Variants in STON2 observed in about 807,000 individuals in gnomAD.
The protein encoded by STON2 is stonin-2.
A neutral mutation model predicts 65.7 loss-of-function variants in STON2; 29 were observed. That is an observed-to-expected ratio of 0.44 (90% CI 0.33 to 0.60). The LOEUF (loss-of-function observed/expected upper bound fraction) is 0.60, where lower values mean the gene tolerates loss of function less well. STON2 is among the 20% of genes least tolerant of loss of function. The probability of loss-of-function intolerance (pLI) is 0.03; values close to 1 mark genes in which losing one functional copy is unlikely to be tolerated. For synonymous variants in STON2, 404 were observed against 414.2 expected, an observed-to-expected ratio of 0.98 and a Z score of 0.30; for missense variants, 1,054 against 1,118.1, an observed-to-expected ratio of 0.94 and a Z score of 0.82.
At chr14:81,331,574 C>G (rs980245996) in intron 4 of STON2, among the ~76,000 whole-genome samples, 5 of 152,216 alleles carry the variant, frequency 3.3e-5, no homozygotes, top group Admixed American at 2.0e-4. Context: ...CCCATACCCT[C>G]ATCCACTGCC....
chr14:81,396,302 A>G (rs570922089), intron 2 of STON2, 124 bp from the exon 3 acceptor site: 65 of 824,650 alleles, frequency 7.9e-5, no homozygotes, highest in Middle Eastern at 3.7e-4. Context: ...GTGAGTGGGG[A>G]GAAGAAAGAG....
intron 1 of STON2, among the ~76,000 whole-genome samples, chr14:81,432,581 T>C (rs1902266127): frequency 1.3e-5 from 2 of 152,110 alleles, no homozygotes; most frequent in African/African-American, 4.8e-5. Flanking sequence ...TGGATCAGGA[T>C]TGGAATATGT....
intron 5 of STON2, among the ~76,000 whole-genome samples, chr14:81,302,682 T>C (rs1896012544): frequency 6.6e-6 from 1 of 152,226 alleles, no homozygotes; most frequent in African/African-American, 2.4e-5. Flanking sequence ...GAGAGGACAC[T>C]GCAAATGTCT....
At chr14:81,393,989 GA>G (rs1410846136) in intron 3 of STON2, among the ~76,000 whole-genome samples, 14 of 152,114 alleles carry the variant, frequency 9.2e-5, no homozygotes, top group African/African-American at 3.4e-4. Context: ...CAAGGAGTTC[GA>G]AACCAGCCTG....
Position 81,334,350 on chromosome 14 carries a change from A to G in STON2, c.572-10163T>C, listed in dbSNP as rs1306342781. Among the ~76,000 whole-genome samples the G allele has an allele frequency of 2.6e-5, 4 of 152,216 alleles. No individual in the cohort carries two copies. The East Asian group carries it at 7.7e-4, about 29-fold the overall frequency. ...TTCATTTACTTAAGTATTAAGATACAATTCACGTTCCATCACATACAATGG... is the reference window on the plus strand; with the variant it reads ...TTCATTTACTTAAGTATTAAGATACGATTCACGTTCCATCACATACAATGG... On this transcript the variant is annotated intron_variant, in intron 4 of 7. Transcript: ENST00000614646.
At chr14:81,434,673 A>G (rs187503603) in intron 1 of STON2, among the ~76,000 whole-genome samples, 66 of 152,230 alleles carry the variant, frequency 4.3e-4, no homozygotes, top group Admixed American at 5.9e-4. Context: ...AAGCTTTGAG[A>G]AGGTTTTTTG....
At position 81,325,495 on chromosome 14, in the gene STON2, T is replaced by C. The variant is rs1490713857; in HGVS notation, c.572-1308A>G. ...TCATTATAAAAAACTTCAAACAGTA[T>C]ATAAGGGCATAAAATAAAAAGTAAA... On this transcript the variant is annotated intron_variant, in intron 4 of 7. Transcript: ENST00000614646. Among the ~76,000 whole-genome samples, 4 of 152,248 alleles carry C rather than the reference T, an allele frequency of 2.6e-5. No homozygotes were observed. In the East Asian group the frequency reaches 5.8e-4, roughly 22 times the overall value.
intron 4 of STON2, among the ~76,000 whole-genome samples, chr14:81,344,256 T>G (rs1013863874): frequency 6.6e-6 from 1 of 152,218 alleles, no homozygotes; most frequent in African/African-American, 2.4e-5. Context: ...CGTATACTTA[T>G]TATAAATAAC....
chr14:81,402,584 G>T (rs569779270), upstream of STON2, among the ~76,000 whole-genome samples: 154 of 152,266 alleles, frequency 1.0e-3, no homozygotes, highest in African/African-American at 3.5e-3. Context: ...CACTCAGGAA[G>T]GGGGAGCAGG....
intron 6 of STON2, among the ~76,000 whole-genome samples, chr14:81,275,387 T>A (rs1203788139): frequency 6.6e-6 from 1 of 152,114 alleles, no homozygotes; most frequent in African/African-American, 2.4e-5. Flanking sequence ...ACCTTAATTT[T>A]CTCATCTATA....
chr14:81,373,439 A>G (rs1456972529), intron 3 of STON2, among the ~76,000 whole-genome samples: 1 of 152,218 alleles, frequency 6.6e-6, no homozygotes, highest in African/African-American at 2.4e-5. Flanking sequence ...CATTTCCTAT[A>G]GTATGGTGGT....
At chr14:81,320,661 C>G (rs1267641194) in intron 5 of STON2, among the ~76,000 whole-genome samples, 1 of 151,758 alleles carries the variant, frequency 6.6e-6, no homozygotes, top group Admixed American at 6.6e-5. Flanking sequence ...CGAAAGCAAT[C>G]TATTTACTCT....
At chr14:81,328,169 C>T (rs974790589) in intron 4 of STON2, among the ~76,000 whole-genome samples, 5 of 152,176 alleles carry the variant, frequency 3.3e-5, no homozygotes, top group Non-Finnish European at 7.3e-5. Flanking sequence ...ACCGCAGCTG[C>T]TCAATCAATA....
At chr14:81,392,084 A>G (rs944617994) in intron 3 of STON2, among the ~76,000 whole-genome samples, 4 of 152,228 alleles carry the variant, frequency 2.6e-5, no homozygotes, top group African/African-American at 9.6e-5. Context: ...CAAAAAACTC[A>G]GTAATCAAAG....
intron 3 of STON2, among the ~76,000 whole-genome samples, chr14:81,374,411 TAATA>T (rs1406888331): frequency 6.6e-6 from 1 of 151,858 alleles, no homozygotes; most frequent in Non-Finnish European, 1.5e-5. Flanking sequence ...AAATAATAAA[TAATA>T]AATAAATAAA....
In STON2 at chr14:81,278,726, C is replaced by A. The variant is rs200186191; in HGVS notation, c.756G>T (p.Ser252=). ...GASAPNDNSS[S]LQEDEEVEME... The stretch of plus-strand genomic sequence containing the variant: ...TCTCTACTTCTTCATCTTCTTGAAG[C>A]GAGGAGGAATTGTCTAAAAGGAAAA... The change falls in exon 6 of 8, where the codon TCG becomes TCT. Residue 252 remains serine (S), a synonymous_variant. Transcript: ENST00000614646. 14 of 1,514,656 alleles carry A rather than the reference C, an allele frequency of 9.2e-6. No individual in the cohort carries two copies. The African/African-American group carries it at 1.8e-4, about 20-fold the overall frequency. The allele number at this position is 1,514,656 out of a possible 1,614,324, so 93.8% of individuals were successfully genotyped here.
chr14:81,308,836 GTA>G (rs60718938), intron 5 of STON2, among the ~76,000 whole-genome samples: 124 of 8,126 alleles, frequency 0.015, 1 homozygote, highest in East Asian at 0.056. Context: ...GTGTGTGTGT[GTA>G]TATATATATA....
In STON2 at chr14:81,269,044, A is replaced by T. The variant is rs548581626; in HGVS notation, c.2785-547T>A. ...GACAGGGTCTCATTCTGTTACTCAGACCGGAGTGCACTGGCACAATCTTGG... is the reference window on the plus strand; with the variant it reads ...GACAGGGTCTCATTCTGTTACTCAGTCCGGAGTGCACTGGCACAATCTTGG... On this transcript the variant is annotated intron_variant, in intron 7 of 7. Transcript: ENST00000614646. Among the ~76,000 whole-genome samples the T allele has an allele frequency of 2.3e-4, 35 of 152,200 alleles. 1 individual carries two copies. In the South Asian group the frequency reaches 7.1e-3, roughly 31 times the overall value.
chr14:81,348,321 T>C (rs919446481), intron 4 of STON2, among the ~76,000 whole-genome samples: 4 of 152,092 alleles, frequency 2.6e-5, no homozygotes, highest in Admixed American at 6.5e-5. Flanking sequence ...GGAAGTAAAA[T>C]TGTTCCTCTT....
Sources: allele counts gnomAD v4.1 joint callset (sites outside exome capture counted in the v4.1 genomes callset), GRCh38; gene constraint gnomAD v4.1.1; transcripts MANE v1.5; gene names NCBI Gene and HGNC (gene_info 2026-07-23, HGNC 2026-07-21).